Variants in SLC2A14 observed in about 807,000 individuals in gnomAD.
SLC2A14 encodes the protein solute carrier family 2 member 14.
A neutral mutation model predicts 43.0 loss-of-function variants in SLC2A14; 13 were observed. That is an observed-to-expected ratio of 0.30 (90% CI 0.20 to 0.48). SLC2A14 has a LOEUF of 0.48. Ranked by LOEUF, SLC2A14 falls within the 20% of genes least tolerant of loss-of-function variation. The pLI is 0.99. For synonymous variants in SLC2A14, 190 were observed against 233.8 expected (o/e 0.81, Z 1.71); for missense variants, 428 against 620.4 (o/e 0.69, Z 3.29).
At position 7,870,008 on chromosome 12, in the gene SLC2A14, T is replaced by C. The variant is rs867833771; in HGVS notation, c.-57-71A>G. 4.4e-6 allele frequency: 4 copies of C among 899,108 alleles called. 1 individual carries two copies. The Middle Eastern group carries it at 8.8e-4, about 198-fold the overall frequency. 55.7% of individuals were successfully genotyped at this position (899,108 alleles called of 1,614,324 possible). ...AGCTCCTTGAGGGAAGAGGCTGTGA[T>C]TTAGCCCCCTCGCCAATGGACACTC... is the stretch of plus-strand genomic sequence containing the variant. On this transcript the variant is annotated intron_variant, in intron 1 of 10. Coordinates refer to ENST00000431042, the MANE Select transcript of SLC2A14 (RefSeq NM_001286234.2).
chr12:7,861,859 G>C (rs963439864), intron 2 of SLC2A14, among the ~76,000 whole-genome samples: 1 of 151,876 alleles, frequency 6.6e-6, no homozygotes, highest in African/African-American at 2.4e-5. Context: ...CTACTCGGGA[G>C]GCTGACGCAG....
rs752155060 is a variant in SLC2A14, at chr12:7,817,950, G to A, written c.1156C>T (p.Pro386Ser). 2 of 1,614,126 alleles carry A rather than the reference G, an allele frequency of 1.2e-6. No homozygotes were observed. The highest frequency in any genetic ancestry group is 2.2e-5 in the South Asian group (2 of 91,076). The part of the protein sequence containing the change: ...ACFEIGPGPI[P>S]WFIVAELFSQ... The stretch of plus-strand genomic sequence containing the variant: ...AAGAGTTCGGCCACAATAAACCAGG[G>A]AATGGGGCCTGGTCCAATTTCAAAA... The change falls in exon 10 of 11, where the codon CCC becomes TCC. Residue 386 changes from proline (P) to serine (S), a missense_variant. Transcript: ENST00000431042.
chr12:7,855,797 C>A (rs1005305896), intron 2 of SLC2A14, among the ~76,000 whole-genome samples: 2 of 151,820 alleles, frequency 1.3e-5, no homozygotes, highest in Non-Finnish European at 2.9e-5. Context: ...TCCACCAGCC[C>A]GGCTAATTTT....
chr12:7,828,589 C>T, intron 6 of SLC2A14, 115 bp downstream of exon 6: 1 of 1,130,142 alleles, frequency 8.8e-7, no homozygotes, highest in Non-Finnish European at 1.3e-6. Flanking sequence ...GAACCATCTT[C>T]ACTTGGATTC....
intron 2 of SLC2A14, chr12:7,863,301 T>C: frequency 2.3e-6 from 1 of 441,404 alleles, no homozygotes; most frequent in Non-Finnish European, 4.5e-6. Context: ...AGGAAAACAC[T>C]CCGAACGCAT....
At chr12:7,872,312 C>G (rs1006930473) in intron 1 of SLC2A14, 2 of 152,144 alleles carry the variant, frequency 1.3e-5, no homozygotes, top group South Asian at 2.1e-4. Context: ...TTCCTCCTCC[C>G]GAATCCAGTT....
At position 7,831,249 on chromosome 12, in the gene SLC2A14, TTTG is replaced by T. The variant is rs1267531940; in HGVS notation, c.272+352_272+354del. ...AAAAACATTTATATGAGACCCCAGT[TTTG>T]TTTTTTTTTTTTTTGAGAAAAGTAA... On this transcript the variant is annotated intron_variant, in intron 4 of 10. Coordinates refer to ENST00000431042, the MANE Select transcript of SLC2A14 (RefSeq NM_001286234.2). 1.8e-3 allele frequency: 87 copies of T among 47,606 alleles called. 1 individual carries two copies. In the East Asian group the frequency reaches 0.024, roughly 13 times the overall value. 2.9% of individuals were successfully genotyped at this position (47,606 alleles called of 1,614,324 possible).
chr12:7,842,538 C>T (rs1866050301), intron 2 of SLC2A14, among the ~76,000 whole-genome samples: 1 of 152,132 alleles, frequency 6.6e-6, no homozygotes, highest in African/African-American at 2.4e-5. Context: ...GAAGTGAAGA[C>T]AGTTCTTTGA....
At chr12:7,874,878 A>AT (rs1234493029), upstream of SLC2A14, among the ~76,000 whole-genome samples, 9 of 81,106 alleles carry the variant, frequency 1.1e-4, no homozygotes, top group African/African-American at 2.3e-4. Context: ...ACATATATAA[A>AT]TATATATTTA....
chr12:7,847,864 G>C (rs11056095), intron 2 of SLC2A14, among the ~76,000 whole-genome samples: 2 of 151,948 alleles, frequency 1.3e-5, no homozygotes, highest in East Asian at 1.9e-4. Flanking sequence ...AGAATTGAGA[G>C]AGTCAAAAGA....
At chr12:7,857,871 A>G (rs1944336365) in intron 2 of SLC2A14, among the ~76,000 whole-genome samples, 1 of 151,920 alleles carries the variant, frequency 6.6e-6, no homozygotes, top group Admixed American at 6.6e-5. Flanking sequence ...GCATGGTGAC[A>G]TGAACACTTT....
rs565820903 is a variant in SLC2A14 at position 7,859,504 on chromosome 12, AGGGTATTAACCAT to A, written c.18+10346_18+10358del. On this transcript the variant is annotated intron_variant, in intron 2 of 10. Transcript: ENST00000431042. The stretch of plus-strand genomic sequence containing the variant: ...CCATTTATTATACATGACCAGGGCT[AGGGTATTAACCAT>A]GGGAATAAATGACTGAGGTGGACTG... Among the ~76,000 whole-genome samples the A allele has an allele frequency of 6.8e-4, 103 of 152,296 alleles. 1 individual carries two copies. The highest frequency in any genetic ancestry group is 1.3e-3 in the Non-Finnish European group (88 of 68,012).
At chr12:7,827,045 TTCTC>T (rs781013405) in intron 7 of SLC2A14, among the ~76,000 whole-genome samples, 67 of 141,478 alleles carry the variant, frequency 4.7e-4, no homozygotes, top group East Asian at 1.0e-3. Context: ...TTTCTCTCCT[TTCTC>T]TCTCTCTCTT....
upstream of SLC2A14, among the ~76,000 whole-genome samples, chr12:7,874,331 T>C (rs1348152319): frequency 1.3e-5 from 2 of 152,000 alleles, 1 homozygote. Flanking sequence ...CACCAAAAAG[T>C]AGGTACTAAA....
rs145618594 is a variant in SLC2A14, at chr12:7,837,878, C to T, written c.19-5064G>A. Among the ~76,000 whole-genome samples the T allele has an allele frequency of 1.4e-4, 22 of 152,086 alleles. No individual in the cohort carries two copies. The East Asian group carries it at 4.3e-3, about 29-fold the overall frequency. ...GTTCAAGCAATTCTCCTGTCTCAGC[C>T]TCCCAAATAGCTGGGACTACAGGTG... On this transcript the variant is annotated intron_variant, in intron 2 of 10. Coordinates refer to ENST00000431042, the MANE Select transcript of SLC2A14 (RefSeq NM_001286234.2).
chr12:7,854,966 C>A (rs369165485), intron 2 of SLC2A14, among the ~76,000 whole-genome samples: 12 of 152,050 alleles, frequency 7.9e-5, no homozygotes, highest in South Asian at 4.2e-4. Context: ...TCTGCCACCA[C>A]GACCAGCTAA....
upstream of SLC2A14, chr12:7,873,116 G>A (rs1456335237): frequency 3.0e-6 from 3 of 985,448 alleles, no homozygotes; most frequent in Non-Finnish European, 3.6e-6. Flanking sequence ...GCGGCTGCTG[G>A]GGATCCCTCC....
intron 2 of SLC2A14, among the ~76,000 whole-genome samples, chr12:7,835,666 G>A (rs1423433535): frequency 1.3e-5 from 2 of 152,084 alleles, no homozygotes; most frequent in African/African-American, 4.8e-5. Context: ...CTAAAGTCAG[G>A]GAACACAAGC....
chr12:7,825,400 CT>C (rs1163263409), intron 7 of SLC2A14, among the ~76,000 whole-genome samples: 4 of 145,760 alleles, frequency 2.7e-5, no homozygotes, highest in Admixed American at 1.4e-4. Context: ...GTAGAGGTTG[CT>C]ATGAGCTGAT....
Sources: allele counts gnomAD v4.1 joint callset (sites outside exome capture counted in the v4.1 genomes callset), GRCh38; gene constraint gnomAD v4.1.1; transcripts MANE v1.5; gene names NCBI Gene and HGNC (gene_info 2026-07-23, HGNC 2026-07-21).